COBL: variants seen among roughly 807,000 people sequenced by gnomAD.
The protein encoded by COBL is cordon-bleu WH2 repeat protein, also known as protein cordon-bleu.
In COBL, 51 loss-of-function variants were observed where a neutral mutation model predicts 98.8. The observed-to-expected ratio is 0.52, with a 90% CI of 0.41 to 0.65. The LOEUF (loss-of-function observed/expected upper bound fraction) is 0.65. COBL is among the 30% of genes least tolerant of loss of function. COBL has a pLI of 0.00. For synonymous variants in COBL, 634 were observed against 651.7 expected (o/e 0.97, Z 0.41); for missense variants, 1,617 against 1,617.5 (o/e 1.00, Z 0.01).
intron 6 of COBL, among the ~76,000 whole-genome samples, chr7:51,089,916 A>C (rs868583509): frequency 3.9e-5 from 6 of 152,124 alleles, no homozygotes; most frequent in South Asian, 2.1e-4. Flanking sequence ...CTAGTACTCC[A>C]CAGAATTGAT....
At chr7:51,135,072 C>G (rs1799108557) in intron 6 of COBL, among the ~76,000 whole-genome samples, 1 of 152,052 alleles carries the variant, frequency 6.6e-6, no homozygotes, top group Admixed American at 6.6e-5. Context: ...AAGCAATTCT[C>G]CTGCCTCAGC....
Position 51,280,326 on chromosome 7 carries a change from A to T in COBL, c.41+36267T>A, listed in dbSNP as rs151306370. 5.1e-4 allele frequency among the ~76,000 whole-genome samples: 78 copies of T among 152,264 alleles called. No individual in the cohort carries two copies. In the East Asian group the frequency reaches 0.015, roughly 29 times the overall value. ...GTTTAATGAGGAGGGAGAATTCTCT[A>T]TTATGCTCATCTCCCTGCTCCTATG... is the stretch of plus-strand genomic sequence containing the variant. On this transcript the variant is annotated intron_variant, in intron 1 of 12. Coordinates refer to ENST00000265136, the MANE Select transcript of COBL (RefSeq NM_015198.5).
intron 7 of COBL, among the ~76,000 whole-genome samples, chr7:51,068,590 T>G (rs1792205445): frequency 6.6e-6 from 1 of 152,198 alleles, no homozygotes; most frequent in African/African-American, 2.4e-5. Context: ...TTAAAAATGA[T>G]GACTAAGGGA....
intron 4 of COBL, among the ~76,000 whole-genome samples, chr7:51,188,318 G>C (rs758085938): frequency 3.3e-5 from 5 of 152,366 alleles, no homozygotes; most frequent in African/African-American, 9.6e-5. Context: ...CCCTCCAAGT[G>C]CCTACCAAGA....
intron 12 of COBL, among the ~76,000 whole-genome samples, chr7:51,023,831 T>G (rs1381941156): frequency 1.3e-5 from 2 of 152,156 alleles, no homozygotes; most frequent in Non-Finnish European, 2.9e-5. Context: ...GCTTGTGACC[T>G]GGGGATGAGC....
intron 3 of COBL, among the ~76,000 whole-genome samples, chr7:51,192,825 T>C (rs191345812): frequency 5.9e-5 from 9 of 152,286 alleles, no homozygotes; most frequent in African/African-American, 2.2e-4. Flanking sequence ...AACTGCTTCC[T>C]GAGTCAGGAA....
At chr7:51,041,155 G>C (rs1449330868) in intron 8 of COBL, among the ~76,000 whole-genome samples, 1 of 152,202 alleles carries the variant, frequency 6.6e-6, no homozygotes, top group African/African-American at 2.4e-5. Context: ...GGGGTAGGCA[G>C]GAAGGAACCA....
intron 5 of COBL, among the ~76,000 whole-genome samples, chr7:51,141,159 T>C (rs886438682): frequency 6.6e-6 from 1 of 152,160 alleles, no homozygotes; most frequent in Non-Finnish European, 1.5e-5. Context: ...TCATTTTGTT[T>C]CCATTTCTCA....
At chr7:51,121,940 C>T (rs771355475) in intron 6 of COBL, among the ~76,000 whole-genome samples, 2 of 152,064 alleles carry the variant, frequency 1.3e-5, no homozygotes, top group African/African-American at 2.4e-5. Flanking sequence ...CAAAGTATGA[C>T]GAAGTACAAG....
At chr7:51,213,078 A>G (rs985005987) in intron 2 of COBL, among the ~76,000 whole-genome samples, 7 of 152,250 alleles carry the variant, frequency 4.6e-5, no homozygotes, top group African/African-American at 1.7e-4. Flanking sequence ...AAACTGGTCC[A>G]GAGTGGCCTA....
At chr7:51,107,646 A>C (rs1376290194) in intron 6 of COBL, among the ~76,000 whole-genome samples, 1 of 152,178 alleles carries the variant, frequency 6.6e-6, no homozygotes, top group East Asian at 1.9e-4. Flanking sequence ...GCATGTATAC[A>C]AGTTGCCAAT....
chr7:51,079,351 C>T (rs1409104427), intron 7 of COBL, among the ~76,000 whole-genome samples: 1 of 152,166 alleles, frequency 6.6e-6, no homozygotes, highest in Non-Finnish European at 1.5e-5. Context: ...GCCTGGAAAA[C>T]ATGTTTAATG....
At chr7:51,213,424 G>A (rs1271892018) in intron 2 of COBL, among the ~76,000 whole-genome samples, 3 of 152,284 alleles carry the variant, frequency 2.0e-5, no homozygotes, top group South Asian at 2.1e-4. Flanking sequence ...CACATAATGC[G>A]CTTGAATCAT....
chr7:51,138,980 G>A (rs1198655635), intron 5 of COBL, among the ~76,000 whole-genome samples: 1 of 152,144 alleles, frequency 6.6e-6, no homozygotes, highest in Non-Finnish European at 1.5e-5. Flanking sequence ...CCTCTGTCCT[G>A]TAAGTGCCCT....
At chr7:51,189,791 G>T (rs1427576922) in intron 4 of COBL, among the ~76,000 whole-genome samples, 8 of 152,204 alleles carry the variant, frequency 5.3e-5, no homozygotes, top group Admixed American at 2.0e-4. Context: ...GACATCAAAT[G>T]AGGCTTATTA....
chr7:51,181,167 G>C (rs1274081432), intron 5 of COBL, among the ~76,000 whole-genome samples: 1 of 152,086 alleles, frequency 6.6e-6, no homozygotes, highest in African/African-American at 2.4e-5. Flanking sequence ...AGTGACAAGG[G>C]ACCCCTTGAC....
chr7:51,280,940 T>C (rs988414015), intron 1 of COBL, among the ~76,000 whole-genome samples: 5 of 152,182 alleles, frequency 3.3e-5, no homozygotes, highest in African/African-American at 1.2e-4. Flanking sequence ...TATGTCAACA[T>C]TCTCCATAAG....
At chr7:51,091,326 A>T (rs148264152) in intron 6 of COBL, among the ~76,000 whole-genome samples, 280 of 152,362 alleles carry the variant, frequency 1.8e-3, no homozygotes, top group Middle Eastern at 6.8e-3. Flanking sequence ...ATATCAATAA[A>T]GAGACAGAAA....
Position 51,061,966 on chromosome 7 carries a change from C to CAT in COBL, c.1097-18275_1097-18274insAT, listed in dbSNP as rs1335714727. 5.4e-3 allele frequency among the ~76,000 whole-genome samples: 814 copies of CAT among 151,906 alleles called. 16 individuals carry two copies. The highest frequency in any genetic ancestry group is 0.046 in the South Asian group (218 of 4,780). ...CACCATAGATACACACACACACACA[C>CAT]ACACACACACACACACTCATAAATA... On this transcript the variant is annotated intron_variant, in intron 7 of 12. Coordinates refer to ENST00000265136, the MANE Select transcript of COBL (RefSeq NM_015198.5).
Sources: gnomAD v4.1 joint callset for allele counts (sites outside exome capture counted in the v4.1 genomes callset) on GRCh38, gnomAD v4.1.1 for gene constraint, MANE v1.5 for transcripts, NCBI Gene and HGNC (gene_info 2026-07-23, HGNC 2026-07-21) for gene names.